Variants in RANBP17 observed in about 807,000 individuals in gnomAD.
RANBP17 encodes ran-binding protein 17.
In RANBP17, 158 loss-of-function variants were observed where a neutral mutation model predicts 141.2. The ratio of observed to expected loss-of-function variants is 1.12; its 90% CI spans 0.98 to 1.28. The LOEUF (loss-of-function observed/expected upper bound fraction) is 1.28, where lower values mean the gene tolerates loss of function less well. RANBP17 is among the 50% of genes most tolerant of loss of function. The probability of loss-of-function intolerance (pLI) is 0.00; values close to 1 mark genes in which losing one functional copy is unlikely to be tolerated. For missense variants in RANBP17, 1,438 were observed against 1,290.7 expected (o/e 1.11, Z -1.75); for synonymous variants, 430 against 450.0 (o/e 0.96, Z 0.56).
At chr5:171,030,913 A>G (rs1191218000) in intron 14 of RANBP17, among the ~76,000 whole-genome samples, 1 of 152,006 alleles carries the variant, frequency 6.6e-6, no homozygotes, top group Non-Finnish European at 1.5e-5. Flanking sequence ...CATTTCTAAG[A>G]CTGTGAATTT....
intron 3 of RANBP17, among the ~76,000 whole-genome samples, chr5:170,884,367 A>G (rs913616212): frequency 2.0e-5 from 3 of 152,208 alleles, no homozygotes; most frequent in African/African-American, 7.2e-5. Context: ...CCAATAACAT[A>G]AAAACAGGCT....
At chr5:171,226,111 C>G (rs1438089151) in intron 22 of RANBP17, among the ~76,000 whole-genome samples, 1 of 152,146 alleles carries the variant, frequency 6.6e-6, no homozygotes, top group African/African-American at 2.4e-5. Flanking sequence ...ATCCGTTCAG[C>G]CTGAGCAACT....
intron 14 of RANBP17, among the ~76,000 whole-genome samples, chr5:170,976,469 A>T (rs1281690101): frequency 6.6e-6 from 1 of 152,170 alleles, no homozygotes; most frequent in Non-Finnish European, 1.5e-5. Context: ...TTGTCTTTGC[A>T]GGAATTGACA....
At chr5:171,099,334 C>CT (rs1335426439) in intron 14 of RANBP17, among the ~76,000 whole-genome samples, 1 of 152,068 alleles carries the variant, frequency 6.6e-6, no homozygotes, top group Non-Finnish European at 1.5e-5. Flanking sequence ...CTTCACATCC[C>CT]TTGTAAGTTG....
chr5:171,132,915 C>T lies in RANBP17; in HGVS notation c.1711-37215C>T, dbSNP rs938200689. ...GTCTTTTTTTTTTGAGACGGAGTTT[C>T]GCTCTTGTTGCCCAGGCTGGAGTGC... On this transcript the variant is annotated intron_variant, in intron 14 of 27. Coordinates refer to ENST00000523189, the MANE Select transcript of RANBP17 (RefSeq NM_022897.5). Among the ~76,000 whole-genome samples the T allele has an allele frequency of 9.2e-5, 14 of 151,476 alleles. No individual in the cohort carries two copies. In the South Asian group the frequency reaches 1.0e-3, roughly 11 times the overall value.
At chr5:170,981,833 G>A (rs1236669175) in intron 14 of RANBP17, among the ~76,000 whole-genome samples, 2 of 152,126 alleles carry the variant, frequency 1.3e-5, no homozygotes, top group Non-Finnish European at 2.9e-5. Flanking sequence ...AGTGAAGAAA[G>A]CTAGTAGTTA....
intron 14 of RANBP17, among the ~76,000 whole-genome samples, chr5:171,074,667 T>A (rs773756949): frequency 1.3e-5 from 2 of 152,234 alleles, no homozygotes; most frequent in Non-Finnish European, 2.9e-5. Flanking sequence ...CAACAAATAT[T>A]TATGCAAATG....
intron 18 of RANBP17, among the ~76,000 whole-genome samples, chr5:171,197,689 C>G (rs1561754471): frequency 6.6e-6 from 1 of 152,286 alleles, no homozygotes; most frequent in East Asian, 1.9e-4. Flanking sequence ...ATTATTGTTG[C>G]TATTATTAGA....
chr5:170,894,555 GT>G (rs1336912323), intron 4 of RANBP17, among the ~76,000 whole-genome samples: 1 of 147,526 alleles, frequency 6.8e-6, no homozygotes, highest in Non-Finnish European at 1.5e-5. Flanking sequence ...TGGCTTTAGT[GT>G]TTTAGTTTTC....
At chr5:171,031,777 G>A (rs906529239) in intron 14 of RANBP17, among the ~76,000 whole-genome samples, 3 of 151,838 alleles carry the variant, frequency 2.0e-5, no homozygotes, top group Non-Finnish European at 4.4e-5. Flanking sequence ...ATTCCACCTA[G>A]CTTTTCTTTT....
chr5:170,909,980 C>A, intron 6 of RANBP17: 2 of 357,912 alleles, frequency 5.6e-6, no homozygotes, highest in Non-Finnish European at 9.9e-6. Context: ...CAAAGGGAAT[C>A]TAATAACTTA....
rs1020495398 is a variant in RANBP17, at chr5:171,244,333, G to T, written c.2776+1513G>T. On this transcript the variant is annotated intron_variant, in intron 24 of 27. Coordinates refer to ENST00000523189, the MANE Select transcript of RANBP17 (RefSeq NM_022897.5). ...ACTGAGGATGCAATAAGCCAAGATCGCACCACTGCACTCCAGCCTGGGCAA... is the reference window on the plus strand; with the variant it reads ...ACTGAGGATGCAATAAGCCAAGATCTCACCACTGCACTCCAGCCTGGGCAA... 2.6e-5 allele frequency among the ~76,000 whole-genome samples: 4 copies of T among 151,940 alleles called. No homozygotes were observed. In the South Asian group the frequency reaches 8.3e-4, roughly 32 times the overall value.
At chr5:171,113,305 A>G (rs1436737568) in intron 14 of RANBP17, among the ~76,000 whole-genome samples, 3 of 152,164 alleles carry the variant, frequency 2.0e-5, no homozygotes, top group African/African-American at 7.2e-5. Context: ...ACAACTTACA[A>G]ATAGAGAAAA....
intron 12 of RANBP17, among the ~76,000 whole-genome samples, chr5:170,940,347 G>A (rs1318462441): frequency 6.6e-6 from 1 of 152,088 alleles, no homozygotes; most frequent in Admixed American, 6.5e-5. Flanking sequence ...TCAAAAATCT[G>A]GAATCTGAAA....
chr5:171,155,094 A>AATATATAT (rs1554106866), intron 14 of RANBP17, among the ~76,000 whole-genome samples: 31 of 74,954 alleles, frequency 4.1e-4, no homozygotes, highest in African/African-American at 8.9e-4. Context: ...AAAAAAAAAA[A>AATATATAT]ATATATATAT....
chr5:171,071,621 T>C (rs1362425559), intron 14 of RANBP17, among the ~76,000 whole-genome samples: 1 of 44,270 alleles, frequency 2.3e-5, no homozygotes, highest in Non-Finnish European at 4.3e-5. Context: ...GTTTTTTCAA[T>C]AAATGGTACT....
intron 12 of RANBP17, among the ~76,000 whole-genome samples, chr5:170,937,376 C>T (rs1773968630): frequency 6.6e-6 from 1 of 152,110 alleles, no homozygotes; most frequent in African/African-American, 2.4e-5. Context: ...TTTGCATCAG[C>T]TTTTTTGGAC....
chr5:171,136,283 T>C (rs1757272337), intron 14 of RANBP17, among the ~76,000 whole-genome samples: 1 of 152,180 alleles, frequency 6.6e-6, no homozygotes, highest in Non-Finnish European at 1.5e-5. Context: ...AGCGAAATTA[T>C]TTTCTCCATT....
chr5:171,179,473 G>A (rs962854146), intron 16 of RANBP17, among the ~76,000 whole-genome samples: 2 of 152,044 alleles, frequency 1.3e-5, no homozygotes, highest in Admixed American at 6.6e-5. Flanking sequence ...TATAACCTAA[G>A]TACAGCAATT....
Sources: gnomAD v4.1 joint callset for allele counts (sites outside exome capture counted in the v4.1 genomes callset) on GRCh38, gnomAD v4.1.1 for gene constraint, MANE v1.5 for transcripts, NCBI Gene and HGNC (gene_info 2026-07-23, HGNC 2026-07-21) for gene names.